The following BTBD9 variants were observed in gnomAD, a reference collection of about 807,000 sequenced individuals.
The protein encoded by BTBD9 is BTB domain containing 9.
In BTBD9, 49 loss-of-function variants were observed where a neutral mutation model predicts 64.3. The ratio of observed to expected loss-of-function variants is 0.76; its 90% CI spans 0.61 to 0.97. The LOEUF (loss-of-function observed/expected upper bound fraction) is 0.97, where lower values mean the gene tolerates loss of function less well. Ranked by LOEUF, BTBD9 falls within the 50% of genes least tolerant of loss-of-function variation. BTBD9 has a pLI of 0.00. For missense variants in BTBD9, 598 were observed against 762.1 expected (o/e 0.78, Z 2.53); for synonymous variants, 260 against 274.7 (o/e 0.95, Z 0.53).
chr6:38,194,915 AG>A (rs1238921972), intron 9 of BTBD9, among the ~76,000 whole-genome samples: 1 of 152,218 alleles, frequency 6.6e-6, no homozygotes, highest in African/African-American at 2.4e-5. Context: ...AACTTTGAGG[AG>A]TAAGAAGATC....
intron 9 of BTBD9, among the ~76,000 whole-genome samples, chr6:38,240,045 G>A (rs541170917): frequency 1.1e-4 from 16 of 152,316 alleles, no homozygotes; most frequent in Admixed American, 8.5e-4. Context: ...CTGGCTGAGC[G>A]TGCAAGGCTG....
intron 6 of BTBD9, among the ~76,000 whole-genome samples, chr6:38,531,978 C>T (rs535744053): frequency 2.0e-5 from 3 of 152,252 alleles, no homozygotes; most frequent in Non-Finnish European, 4.4e-5. Context: ...TTCATAAGAA[C>T]CAAAACTCAG....
intron 6 of BTBD9, among the ~76,000 whole-genome samples, chr6:38,551,815 G>A (rs762043891): frequency 6.6e-6 from 1 of 152,188 alleles, no homozygotes; most frequent in Non-Finnish European, 1.5e-5. Context: ...TGTGGAGAAC[G>A]GATTAGAAAA....
At position 38,390,483 on chromosome 6, in the gene BTBD9, T is replaced by C. The variant is rs144222205; in HGVS notation, c.1155-45390A>G. Among the ~76,000 whole-genome samples, 435 of 152,296 alleles carry C rather than the reference T, an allele frequency of 2.9e-3. 3 individuals carry two copies. Among genetic ancestry groups the C allele is most frequent in the African/African-American group, 0.01 (420 of 41,562 alleles). Reference sequence around the variant, plus strand: ...CAATTTCAGGAGCAGTTATCCAATATAAACCCCAGAGAGCATTCTGAAGAA... The same window carrying C: ...CAATTTCAGGAGCAGTTATCCAATACAAACCCCAGAGAGCATTCTGAAGAA... On this transcript the variant is annotated intron_variant, in intron 6 of 10. Transcript: ENST00000481247.
chr6:38,197,580 C>G (rs1762307296), intron 9 of BTBD9, among the ~76,000 whole-genome samples: 1 of 152,158 alleles, frequency 6.6e-6, no homozygotes, highest in Non-Finnish European at 1.5e-5. Flanking sequence ...CTCCGTTTCC[C>G]GTGTGAAGTA....
At chr6:38,500,085 C>T (rs1772127484) in intron 6 of BTBD9, among the ~76,000 whole-genome samples, 1 of 152,116 alleles carries the variant, frequency 6.6e-6, no homozygotes, top group Non-Finnish European at 1.5e-5. Context: ...GCATACTTTC[C>T]ATGTGGCAAT....
intron 6 of BTBD9, among the ~76,000 whole-genome samples, chr6:38,372,691 C>T (rs1187210959): frequency 6.6e-6 from 1 of 152,164 alleles, no homozygotes; most frequent in Non-Finnish European, 1.5e-5. Flanking sequence ...AATGGCTGTT[C>T]AGACCTCCTG....
intron 6 of BTBD9, among the ~76,000 whole-genome samples, chr6:38,385,438 C>T (rs926054286): frequency 1.3e-5 from 2 of 152,054 alleles, no homozygotes; most frequent in South Asian, 4.1e-4. Flanking sequence ...GATCCACCTG[C>T]CTCAGCCTCC....
chr6:38,229,194 CAA>C (rs34749418), intron 9 of BTBD9, among the ~76,000 whole-genome samples: 121 of 114,556 alleles, frequency 1.1e-3, no homozygotes, highest in African/African-American at 3.8e-3. Context: ...AAGACTCTGT[CAA>C]AAAAAAAAAA....
In BTBD9 at chr6:38,170,523, T is replaced by A. The variant is rs1355617112; in HGVS notation, c.*4462A>T. ...CAAACCTTTTCCGCGCCCTTCACCA[T>A]TCACTCTGCAAATGACCAGGGCCTC... On this transcript the variant is annotated 3_prime_UTR_variant, in exon 11 of 11. Transcript: ENST00000481247. 6.6e-6 allele frequency: 1 copy of A among 152,304 alleles called. No homozygotes were observed. Among genetic ancestry groups the A allele is most frequent in the Non-Finnish European group, 1.5e-5 (1 of 68,108 alleles). The allele number at this position is 152,304 out of a possible 1,614,324, so 9.4% of individuals were successfully genotyped here.
intron 9 of BTBD9, among the ~76,000 whole-genome samples, chr6:38,220,043 A>T (rs763580642): frequency 6.6e-6 from 1 of 152,264 alleles, no homozygotes; most frequent in Non-Finnish European, 1.5e-5. Context: ...AACTATCAAG[A>T]TAATGAAAAA....
intron 10 of BTBD9, among the ~76,000 whole-genome samples, chr6:38,178,746 TG>T (rs946934805): frequency 5.8e-3 from 26 of 4,502 alleles, no homozygotes; most frequent in Admixed American, 0.02. Flanking sequence ...CAGCAGGGTG[TG>T]GGGGGGAGGG....
At chr6:38,608,246 C>T (rs1459663395) in intron 1 of BTBD9, among the ~76,000 whole-genome samples, 3 of 152,108 alleles carry the variant, frequency 2.0e-5, no homozygotes, top group African/African-American at 7.2e-5. Flanking sequence ...GATTATATAA[C>T]TATCCTTTTC....
chr6:38,200,133 G>T (rs6458045), intron 9 of BTBD9, among the ~76,000 whole-genome samples: 111,913 of 152,070 alleles, frequency 0.74, 41,297 homozygotes, highest in Non-Finnish European at 0.78. Context: ...CACAGCAGGG[G>T]CTGAGGTATG....
chr6:38,488,074 G>A (rs528270737), intron 6 of BTBD9, among the ~76,000 whole-genome samples: 26 of 152,060 alleles, frequency 1.7e-4, no homozygotes, highest in Non-Finnish European at 2.9e-4. Context: ...CTCCCACTTC[G>A]GCCTCCCAAG....
chr6:38,402,937 G>A (rs928081245), intron 6 of BTBD9: 1 of 672,422 alleles, frequency 1.5e-6, no homozygotes, highest in Non-Finnish European at 2.7e-6. Flanking sequence ...CTGGACTTTG[G>A]TGGTGTGCAC....
At chr6:38,370,563 A>G (rs1765376299) in intron 6 of BTBD9, among the ~76,000 whole-genome samples, 1 of 152,222 alleles carries the variant, frequency 6.6e-6, no homozygotes, top group Admixed American at 6.5e-5. Flanking sequence ...TAATTACTGT[A>G]GGTCTAAGAG....
intron 6 of BTBD9, among the ~76,000 whole-genome samples, chr6:38,349,523 A>T (rs962901439): frequency 1.6e-4 from 25 of 152,134 alleles, no homozygotes; most frequent in Admixed American, 1.3e-4. Flanking sequence ...TTCACAGTAT[A>T]TTGTTATAAT....
At chr6:38,513,808 A>T (rs748689187) in intron 6 of BTBD9, among the ~76,000 whole-genome samples, 1 of 152,204 alleles carries the variant, frequency 6.6e-6, no homozygotes, top group Non-Finnish European at 1.5e-5. Flanking sequence ...GTCTGTGCGT[A>T]CCAGTGCAGT....
Sources: allele counts gnomAD v4.1 joint callset (sites outside exome capture counted in the v4.1 genomes callset), GRCh38; gene constraint gnomAD v4.1.1; transcripts MANE v1.5; gene names NCBI Gene and HGNC (gene_info 2026-07-23, HGNC 2026-07-21).